The following ITGA1 variants were observed in gnomAD, a reference collection of about 807,000 sequenced individuals.
ITGA1 encodes the protein integrin alpha-1.
In ITGA1, 85 loss-of-function variants were observed where a neutral mutation model predicts 145.9. The observed-to-expected ratio is 0.58, with a 90% CI of 0.49 to 0.70. The LOEUF (loss-of-function observed/expected upper bound fraction) is 0.70. Ranked by LOEUF, ITGA1 falls within the 30% of genes least tolerant of loss-of-function variation. The pLI, the probability that ITGA1 is intolerant of heterozygous loss-of-function variation, is 0.00. For synonymous variants in ITGA1, 520 were observed against 495.3 expected (o/e 1.05, Z -0.66); for missense variants, 1,351 against 1,418.7 (o/e 0.95, Z 0.77).
At position 52,861,488 on chromosome 5, in the gene ITGA1, G is replaced by A. The variant is rs1300178143; in HGVS notation, c.224G>A (p.Arg75Lys). 2 of 1,613,916 alleles carry A rather than the reference G, an allele frequency of 1.2e-6. No homozygotes were observed. Among genetic ancestry groups the A allele is most frequent in the South Asian group, 1.1e-5 (1 of 91,062 alleles). Residue 75 changes from arginine to lysine, a missense_variant, in exon 3 of 29, where the codon AGA (arginine) becomes AAA (lysine). Arg to Lys is a conservative substitution (Grantham distance 26). Transcript: ENST00000282588. Reference protein sequence around the residue: ...GSPLVGQPKNRTGDVYKCPVG... With the variant: ...GSPLVGQPKNKTGDVYKCPVG... ...CCGTTAGTTGGCCAACCCAAAAACA[G>A]AACTGGAGATGTCTATAAGTGTCCA...
chr5:52,861,022 A>G (rs1431287540), intron 2 of ITGA1, among the ~76,000 whole-genome samples: 1 of 152,188 alleles, frequency 6.6e-6, no homozygotes, highest in Non-Finnish European at 1.5e-5. Context: ...ATACTTCCAC[A>G]TGTGTTTTAT....
intron 2 of ITGA1, among the ~76,000 whole-genome samples, chr5:52,854,919 G>C (rs1749490062): frequency 6.6e-6 from 1 of 152,144 alleles, no homozygotes; most frequent in African/African-American, 2.4e-5. Flanking sequence ...TCCAGAACAT[G>C]TTTTGATCTT....
At position 52,910,425 on chromosome 5, in the gene ITGA1, A is replaced by G. The variant is rs1198203284; in HGVS notation, c.1857+6A>G. ...TAAGGAAAGAGTATGCACAAGTAAG[A>G]ATTGAAACCTACAGATTCCCACCCT... On this transcript the variant is annotated splice_donor_region_variant and intron_variant, in intron 14 of 28. Transcript: ENST00000282588. The G allele has an allele frequency of 1.9e-6, 3 of 1,607,584 alleles. No individual in the cohort carries two copies. In the African/African-American group the frequency reaches 4.0e-5, roughly 22 times the overall value.
chr5:52,868,884 T>C (rs1194608355), intron 6 of ITGA1, among the ~76,000 whole-genome samples: 2 of 152,136 alleles, frequency 1.3e-5, no homozygotes, highest in Non-Finnish European at 2.9e-5. Context: ...AGCTTAACCA[T>C]ATACATTCAT....
At chr5:52,870,694 G>C (rs982969276) in intron 6 of ITGA1, among the ~76,000 whole-genome samples, 1 of 152,196 alleles carries the variant, frequency 6.6e-6, no homozygotes, top group South Asian at 2.1e-4. Context: ...TAGAATGCAT[G>C]TGTTTTCCCA....
At chr5:52,891,554 C>T (rs1389892058) in intron 8 of ITGA1, among the ~76,000 whole-genome samples, 2 of 73,386 alleles carry the variant, frequency 2.7e-5, no homozygotes, top group African/African-American at 4.8e-5. Flanking sequence ...ATCATGAACA[C>T]TAAAAAAAAA....
At chr5:52,813,585 G>C (rs997967903) in intron 1 of ITGA1, among the ~76,000 whole-genome samples, 1 of 152,204 alleles carries the variant, frequency 6.6e-6, no homozygotes, top group Non-Finnish European at 1.5e-5. Context: ...CAATGCAGCT[G>C]ATGGAATAGC....
intron 28 of ITGA1, among the ~76,000 whole-genome samples, chr5:52,951,856 T>C (rs186257683): frequency 1.8e-3 from 269 of 152,276 alleles, no homozygotes; most frequent in Non-Finnish European, 3.1e-3. Context: ...TATACTATAT[T>C]TTACTAGGGG....
At chr5:52,826,093 T>C (rs113195278) in intron 1 of ITGA1, among the ~76,000 whole-genome samples, 1 of 152,252 alleles carries the variant, frequency 6.6e-6, no homozygotes, top group Non-Finnish European at 1.5e-5. Flanking sequence ...GGCCTCTTGG[T>C]CCAGTTAGCT....
Position 52,952,443 on chromosome 5 carries a change from G to C in ITGA1, c.3532G>C (p.Glu1178Gln). Residue 1178 changes from glutamate (E) to glutamine (Q), a missense_variant, in exon 29 of 29, where the codon GAG (glutamate) becomes CAG (glutamine). Physicochemically the swap from Glu to Gln is conservative, Grantham distance 29 (BLOSUM62 2). Coordinates refer to ENST00000282588, the MANE Select transcript of ITGA1 (RefSeq NM_181501.2). ...CAAAAGACCACTGAAAAAGAAAATG[G>C]AGAAATGAAATATTTTATGAAAGAA... is the stretch of plus-strand genomic sequence containing the variant. ...FFKRPLKKKM[E>Q]K 1 of 1,390,484 alleles carries C rather than the reference G, an allele frequency of 7.2e-7. No homozygotes were observed. Among genetic ancestry groups the C allele is most frequent in the Non-Finnish European group, 9.9e-7 (1 of 1,012,206 alleles). 86.1% of individuals were successfully genotyped at this position (1,390,484 alleles called of 1,614,324 possible).
rs1579739612 is a variant in ITGA1 at position 52,953,016 on chromosome 5, G to A, written c.*565G>A. On this transcript the variant is annotated 3_prime_UTR_variant, in exon 29 of 29. Coordinates refer to ENST00000282588, the MANE Select transcript of ITGA1 (RefSeq NM_181501.2). Reference sequence around the variant, plus strand: ...AATACATTTAGCATCTTTGTGTTGGGTTCTATACCTAAAAATTTTCCCTCC... The same window carrying A: ...AATACATTTAGCATCTTTGTGTTGGATTCTATACCTAAAAATTTTCCCTCC... 1 of 152,010 alleles carries A rather than the reference G, an allele frequency of 6.6e-6. No homozygotes were observed. The highest frequency in any genetic ancestry group is 2.4e-5 in the African/African-American group (1 of 41,460). The allele number at this position is 152,010 out of a possible 1,614,324, so 9.4% of individuals were successfully genotyped here. A position where few individuals can be genotyped will look rare whatever the true frequency, so the allele number is the denominator to read the frequency against.
rs760763584 is a variant in ITGA1 at position 52,920,466 on chromosome 5, T to A, written c.2290T>A (p.Leu764Met). The change falls in exon 17 of 29, where the codon TTG becomes ATG. Residue 764 changes from leucine to methionine, a missense_variant and splice_region_variant. Transcript: ENST00000282588. ...ATGCACTAAGCACTCCTTCTACATG[T>A]TGGCAAGTAAATCATATATCGTTGC... is the stretch of plus-strand genomic sequence containing the variant. ...SECTKHSFYM[L>M]DKHDFQDSVR... is the part of the protein sequence containing the mutation. The A allele has an allele frequency of 1.3e-6, 2 of 1,594,552 alleles. No individual in the cohort carries two copies. Among genetic ancestry groups the A allele is most frequent in the Non-Finnish European group, 1.7e-6 (2 of 1,172,526 alleles).
rs754569096 is a variant in ITGA1, at chr5:52,910,264, G to C, written c.1702G>C (p.Gly568Arg). Residue 568 changes from glycine (G) to arginine (R), a missense_variant, in exon 14 of 29, where the codon GGG becomes CGG. Gly to Arg is a moderately radical substitution (Grantham distance 125, BLOSUM62 -2). Coordinates refer to ENST00000282588, the MANE Select transcript of ITGA1 (RefSeq NM_181501.2). ...CTTENKNEPC[G>R]ARFGTAIAAV... The stretch of plus-strand genomic sequence containing the variant: ...AACAGAAAACAAAAATGAGCCATGC[G>C]GGGCTCGTTTTGGAACTGCAATTGC... The C allele has an allele frequency of 6.2e-7, 1 of 1,613,916 alleles. No individual in the cohort carries two copies.
intron 23 of ITGA1, among the ~76,000 whole-genome samples, chr5:52,936,523 C>T (rs954540565): frequency 6.6e-5 from 10 of 152,128 alleles, no homozygotes; most frequent in South Asian, 4.1e-4. Flanking sequence ...TAGATCAAGG[C>T]GTTCCCTACC....
intron 11 of ITGA1, chr5:52,903,393 T>C (rs1289993877): frequency 6.6e-6 from 1 of 152,118 alleles, no homozygotes; most frequent in Non-Finnish European, 1.5e-5. Context: ...TTGTGGTTAG[T>C]AATACAAACA....
At chr5:52,931,911 A>T (rs918781594) in intron 21 of ITGA1, 136 bp from the exon 22 acceptor site, 9 of 548,740 alleles carry the variant, frequency 1.6e-5, no homozygotes, top group African/African-American at 3.9e-5. Context: ...CACCCCAATT[A>T]AAAAAATGAT....
At chr5:52,881,808 A>C in intron 6 of ITGA1, 65 bp from the exon 7 acceptor site, 2 of 1,458,148 alleles carry the variant, frequency 1.4e-6, no homozygotes, top group Non-Finnish European at 1.9e-6. Flanking sequence ...TCACATGGTT[A>C]ACCTGAAGAA....
At position 52,929,748 on chromosome 5, in the gene ITGA1, T is replaced by G. The variant is rs760669095; in HGVS notation, c.2771+47T>G. ...TGTATGTATATGAATGTATATTGCT[T>G]CTTCTGTGTATGTCGAATATTTTGC... On this transcript the variant is annotated intron_variant, in intron 21 of 28. Coordinates refer to ENST00000282588, the MANE Select transcript of ITGA1 (RefSeq NM_181501.2). 6 of 1,006,152 alleles carry G rather than the reference T, an allele frequency of 6.0e-6. No homozygotes were observed. In the East Asian group the frequency reaches 7.5e-5, roughly 13 times the overall value. The allele number at this position is 1,006,152 out of a possible 1,614,324, so 62.3% of individuals were successfully genotyped here.
intron 22 of ITGA1, chr5:52,933,291 A>AC (rs1478392679): frequency 6.6e-6 from 1 of 151,918 alleles, no homozygotes; most frequent in Non-Finnish European, 1.5e-5. Context: ...ACTTTTCTGT[A>AC]TTTTTCTGTA....
Sources: gnomAD v4.1 joint callset for allele counts (sites outside exome capture counted in the v4.1 genomes callset) on GRCh38, gnomAD v4.1.1 for gene constraint, MANE v1.5 for transcripts, NCBI Gene and HGNC (gene_info 2026-07-23, HGNC 2026-07-21) for gene names.